ROBO1: variants seen among roughly 807,000 people sequenced by gnomAD.
The protein encoded by ROBO1 is roundabout homolog 1.
ROBO1 carries 149 observed loss-of-function variants against 195.9 expected under a neutral mutation model. That is an observed-to-expected ratio of 0.76 (90% CI 0.67 to 0.87). ROBO1 has a LOEUF of 0.87. ROBO1 is among the 40% of genes least tolerant of loss of function. The pLI is 0.00. For missense variants in ROBO1, 1,933 were observed against 2,068.3 expected, an observed-to-expected ratio of 0.93 and a Z score of 1.27; for synonymous variants, 816 against 733.2, an observed-to-expected ratio of 1.11 and a Z score of -1.82.
At chr3:78,895,295 A>G (rs1235140629) in intron 4 of ROBO1, among the ~76,000 whole-genome samples, 1 of 152,230 alleles carries the variant, frequency 6.6e-6, no homozygotes. Context: ...TTAAACATAA[A>G]TAGAAAAGAA....
intron 2 of ROBO1, among the ~76,000 whole-genome samples, chr3:79,537,928 C>G (rs888077686): frequency 3.9e-5 from 6 of 151,976 alleles, no homozygotes; most frequent in African/African-American, 1.5e-4. Context: ...AAAAAATACA[C>G]AAACACTGAT....
intron 2 of ROBO1, among the ~76,000 whole-genome samples, chr3:79,211,171 T>A (rs956756962): frequency 6.6e-6 from 1 of 152,086 alleles, no homozygotes. Context: ...CAAGTTTTTT[T>A]ATTATTATGT....
At chr3:78,635,745 A>C in intron 23 of ROBO1, 28 bp downstream of exon 23, 2 of 1,590,716 alleles carry the variant, frequency 1.3e-6, no homozygotes, top group Admixed American at 1.7e-5. Context: ...ATACAGAAAC[A>C]GATGGGAATA....
intron 2 of ROBO1, among the ~76,000 whole-genome samples, chr3:79,493,694 A>AT (rs1404133117): frequency 6.6e-6 from 1 of 152,020 alleles, no homozygotes; most frequent in Non-Finnish European, 1.5e-5. Context: ...AAGCTTTTAA[A>AT]TTTTTTATTT....
chr3:79,577,717 A>AACACACACACACACACACAC (rs58998352), intron 2 of ROBO1, among the ~76,000 whole-genome samples: 32 of 140,720 alleles, frequency 2.3e-4, no homozygotes, highest in African/African-American at 7.8e-4. Context: ...CTTTACTAAA[A>AACACACACACACACACACAC]ACACACACAC....
intron 1 of ROBO1, among the ~76,000 whole-genome samples, chr3:79,639,151 CA>C (rs1267674671): frequency 6.6e-6 from 1 of 152,096 alleles, no homozygotes; most frequent in African/African-American, 2.4e-5. Flanking sequence ...ATTCTATATG[CA>C]AACTTTATAG....
chr3:79,690,904 T>C (rs959640676), intron 1 of ROBO1, among the ~76,000 whole-genome samples: 2 of 151,902 alleles, frequency 1.3e-5, no homozygotes, highest in African/African-American at 4.8e-5. Flanking sequence ...TAAGGTAGCA[T>C]TGGGTAGTAA....
chr3:79,406,418 G>C (rs578010662), intron 2 of ROBO1, among the ~76,000 whole-genome samples: 1 of 151,918 alleles, frequency 6.6e-6, no homozygotes, highest in South Asian at 2.1e-4. Flanking sequence ...GTGGCAGAGA[G>C]AGATTCTGTC....
intron 2 of ROBO1, among the ~76,000 whole-genome samples, chr3:79,581,529 A>G (rs1211842272): frequency 6.6e-6 from 1 of 152,170 alleles, no homozygotes; most frequent in East Asian, 1.9e-4. Context: ...TTAGAAGACC[A>G]AGGCTAATAA....
Position 79,135,038 on chromosome 3 carries a change from T to TAAAA in ROBO1, c.89-9503_89-9500dup, listed in dbSNP as rs372948758. 1.5e-3 allele frequency among the ~76,000 whole-genome samples: 222 copies of TAAAA among 148,574 alleles called. 2 individuals are homozygous for TAAAA. Among genetic ancestry groups the TAAAA allele is most frequent in the African/African-American group, 5.0e-3 (203 of 40,252 alleles). On this transcript the variant is annotated intron_variant, in intron 2 of 30. Coordinates refer to ENST00000464233, the MANE Select transcript of ROBO1 (RefSeq NM_002941.4). ...ATGTACCCTAAAACTTAGAGTATAA[T>TAAAA]AAAAAAAAACATTAAAAAAAAAATT... is the stretch of plus-strand genomic sequence containing the variant.
At chr3:78,658,671 A>G (rs1436435761) in intron 17 of ROBO1, among the ~76,000 whole-genome samples, 1 of 152,236 alleles carries the variant, frequency 6.6e-6, no homozygotes, top group African/African-American at 2.4e-5. Context: ...AGGAAGTGAG[A>G]TTTAAAAGAA....
At chr3:78,943,135 G>A (rs2040230833) in intron 3 of ROBO1, among the ~76,000 whole-genome samples, 1 of 151,866 alleles carries the variant, frequency 6.6e-6, no homozygotes, top group Non-Finnish European at 1.5e-5. Context: ...AGAATGGCGT[G>A]AACCTGGGAG....
At chr3:78,875,803 C>T (rs1576328183) in intron 4 of ROBO1, among the ~76,000 whole-genome samples, 1 of 151,990 alleles carries the variant, frequency 6.6e-6, no homozygotes, top group East Asian at 1.9e-4. Flanking sequence ...ATATCAAGCC[C>T]TTACCTGACA....
chr3:78,966,819 G>A (rs1017616455), intron 3 of ROBO1, among the ~76,000 whole-genome samples: 3 of 152,006 alleles, frequency 2.0e-5, no homozygotes, highest in Admixed American at 1.3e-4. Flanking sequence ...ATCAGATCTG[G>A]TCTCTCTGTA....
chr3:79,560,421 T>C (rs1256892837), intron 2 of ROBO1, among the ~76,000 whole-genome samples: 1 of 145,834 alleles, frequency 6.9e-6, no homozygotes, highest in African/African-American at 2.5e-5. Context: ...TTAGGAGATA[T>C]ACCTAATGCT....
chr3:79,209,982 C>T (rs2081941559), intron 2 of ROBO1, among the ~76,000 whole-genome samples: 1 of 151,912 alleles, frequency 6.6e-6, no homozygotes, highest in South Asian at 2.1e-4. Flanking sequence ...CAAACAAAAC[C>T]TCAGGAATAT....
intron 9 of ROBO1, 144 bp downstream of exon 9, chr3:78,688,504 C>G: frequency 1.2e-6 from 1 of 830,596 alleles, no homozygotes. Flanking sequence ...TTTCTCATTG[C>G]TAAAATGTTC....
In ROBO1 at chr3:79,237,828, T is replaced by A. The variant is rs895860136; in HGVS notation, c.89-112289A>T. Among the ~76,000 whole-genome samples the A allele has an allele frequency of 5.9e-5, 9 of 152,202 alleles. 1 individual carries two copies. Among genetic ancestry groups the A allele is most frequent in the Non-Finnish European group, 1.2e-4 (8 of 68,012 alleles). On this transcript the variant is annotated intron_variant, in intron 2 of 30. Transcript: ENST00000464233. ...AGCCAAAGCTCTTGGATCCAAAAAA[T>A]TTCAGTCATGGTCACACCATGATCC...
intron 8 of ROBO1, among the ~76,000 whole-genome samples, chr3:78,704,944 C>T (rs2081514757): frequency 6.6e-6 from 1 of 152,142 alleles, no homozygotes; most frequent in Non-Finnish European, 1.5e-5. Context: ...TTATCAAATG[C>T]ACATTTCTTT....
Sources: gnomAD v4.1 joint callset for allele counts (sites outside exome capture counted in the v4.1 genomes callset) on GRCh38, gnomAD v4.1.1 for gene constraint, MANE v1.5 for transcripts, NCBI Gene and HGNC (gene_info 2026-07-23, HGNC 2026-07-21) for gene names.